USP34: variants seen among roughly 807,000 people sequenced by gnomAD.
USP34 encodes ubiquitin carboxyl-terminal hydrolase 34.
USP34 carries 70 observed loss-of-function variants against 460.3 expected under a neutral mutation model. The ratio of observed to expected loss-of-function variants is 0.15; its 90% CI spans 0.13 to 0.19. The LOEUF (loss-of-function observed/expected upper bound fraction) is 0.19. Among genes scored for constraint, USP34 ranks in the 10% least tolerant of loss-of-function variants. The pLI, the probability that USP34 is intolerant of heterozygous loss-of-function variation, is 1.00. For missense variants in USP34, 3,985 were observed against 4,236.2 expected, an observed-to-expected ratio of 0.94 and a Z score of 1.65; for synonymous variants, 1,647 against 1,405.3, an observed-to-expected ratio of 1.17 and a Z score of -3.85.
intron 41 of USP34, chr2:61,277,896 C>T (rs1023509309): frequency 4.3e-5 from 15 of 352,424 alleles, no homozygotes; most frequent in Non-Finnish European, 6.2e-5. Context: ...AAGGAGAAAC[C>T]GCTTTCGCTT....
intron 10 of USP34, among the ~76,000 whole-genome samples, chr2:61,354,940 C>A (rs925432455): frequency 6.6e-6 from 1 of 152,164 alleles, no homozygotes; most frequent in Non-Finnish European, 1.5e-5. Context: ...GCTATACAAG[C>A]TTGCTGGGAC....
chr2:61,372,874 CA>C (rs1692673432), intron 8 of USP34, among the ~76,000 whole-genome samples: 1 of 151,740 alleles, frequency 6.6e-6, no homozygotes, highest in Admixed American at 6.6e-5. Flanking sequence ...CCAAACTTCC[CA>C]AAGTTGATGA....
At chr2:61,281,627 T>C (rs770082171) in intron 37 of USP34, among the ~76,000 whole-genome samples, 14 of 152,142 alleles carry the variant, frequency 9.2e-5, no homozygotes, top group Non-Finnish European at 1.8e-4. Flanking sequence ...TTAATAAATA[T>C]AATGTTCTAA....
intron 19 of USP34, 152 bp downstream of exon 19, chr2:61,333,730 G>C (rs924899617): frequency 4.7e-5 from 21 of 448,744 alleles, no homozygotes; most frequent in Admixed American, 8.1e-5. Context: ...TCTCTACAGG[G>C]GTAAGTGGCA....
intron 53 of USP34, among the ~76,000 whole-genome samples, chr2:61,236,952 G>GT (rs953734418): frequency 3.3e-5 from 5 of 152,104 alleles, no homozygotes; most frequent in East Asian, 1.9e-4. Flanking sequence ...ATTACTAGCT[G>GT]TTTTTTGTAG....
At position 61,228,845 on chromosome 2, in the gene USP34, T is replaced by C. The variant is rs770192948; in HGVS notation, c.7350A>G (p.Ala2450=). Reference sequence around the variant, plus strand: ...GCCTCACCTCTTCTTCACCCATTTTTGCAAATTCGTAAAGGAAGGCAAAAT... The same window carrying C: ...GCCTCACCTCTTCTTCACCCATTTTCGCAAATTCGTAAAGGAAGGCAAAAT... The part of the protein sequence containing the change: ...TEYFAFLYEF[A]KMGEEESQFL... Residue 2450 remains alanine (A), a synonymous_variant, in exon 60 of 80, where the codon GCA becomes GCG. Coordinates refer to ENST00000398571, the MANE Select transcript of USP34 (RefSeq NM_014709.4). 1 of 1,596,720 alleles carries C rather than the reference T, an allele frequency of 6.3e-7. No homozygotes were observed. The highest frequency in any genetic ancestry group is 1.1e-5 in the South Asian group (1 of 87,952).
chr2:61,434,776 G>A (rs1266247799), intron 1 of USP34, among the ~76,000 whole-genome samples: 3 of 151,182 alleles, frequency 2.0e-5, no homozygotes, highest in Non-Finnish European at 4.4e-5. Context: ...AAAGGGGGGG[G>A]GTTCCAACAA....
intron 1 of USP34, among the ~76,000 whole-genome samples, chr2:61,437,829 G>A (rs540093455): frequency 3.7e-5 from 4 of 108,484 alleles, no homozygotes; most frequent in Middle Eastern, 6.0e-3. Context: ...AACCTGAACA[G>A]ACCAAAAACA....
intron 27 of USP34, among the ~76,000 whole-genome samples, chr2:61,306,176 C>T (rs944839822): frequency 2.0e-5 from 3 of 152,128 alleles, no homozygotes; most frequent in African/African-American, 7.2e-5. Context: ...ATGGTATTGC[C>T]TAGGTTTTCT....
At chr2:61,230,758 C>A (rs1441325027) in intron 58 of USP34, among the ~76,000 whole-genome samples, 2 of 151,114 alleles carry the variant, frequency 1.3e-5, no homozygotes, top group Non-Finnish European at 2.9e-5. Flanking sequence ...GCAGGAGAAT[C>A]ACTTGAACCC....
chr2:61,229,519 C>T (rs1188485868), intron 59 of USP34, 29 bp downstream of exon 59: 2 of 1,406,276 alleles, frequency 1.4e-6, no homozygotes, highest in Admixed American at 3.7e-5. Context: ...AACACAGACA[C>T]ACAAACTTAT....
chr2:61,372,918 C>T (rs1330995482), intron 8 of USP34, among the ~76,000 whole-genome samples: 1 of 152,044 alleles, frequency 6.6e-6, no homozygotes, highest in East Asian at 1.9e-4. Flanking sequence ...AGAAGTAGAA[C>T]AAACTCCAGG....
At position 61,276,391 on chromosome 2, in the gene USP34, T is replaced by C. The variant is rs553714752; in HGVS notation, c.5433+1774A>G. Among the ~76,000 whole-genome samples the C allele has an allele frequency of 5.3e-5, 8 of 152,296 alleles. No individual in the cohort carries two copies. The South Asian group carries it at 1.4e-3, about 28-fold the overall frequency. On this transcript the variant is annotated intron_variant, in intron 41 of 79. Coordinates refer to ENST00000398571, the MANE Select transcript of USP34 (RefSeq NM_014709.4). Reference sequence around the variant, plus strand: ...TTGCCTCTTAGTCAATTTTTAAAAATACATTTTCTTTTTTAATGTACTCAT... The same window carrying C: ...TTGCCTCTTAGTCAATTTTTAAAAACACATTTTCTTTTTTAATGTACTCAT...
At position 61,406,128 on chromosome 2, in the gene USP34, C is replaced by A; in HGVS notation, c.132G>T (p.Arg44Ser). The change falls in exon 3 of 80, where the codon AGG becomes AGT. Residue 44 changes from arginine to serine, a missense_variant and splice_region_variant. By Grantham distance (110) the Arg-to-Ser change is moderately radical. Coordinates refer to ENST00000398571, the MANE Select transcript of USP34 (RefSeq NM_014709.4). The stretch of plus-strand genomic sequence containing the variant: ...ATTCCTTGAAGCAGCATAGACATTG[C>A]CTATAAGAGAAAAAAAATTGAATAA... ...IFTYINSWTQRQCLCCFKEYK... is the reference protein window; with the variant it reads ...IFTYINSWTQSQCLCCFKEYK... 2 of 1,530,704 alleles carry A rather than the reference C, an allele frequency of 1.3e-6. No individual in the cohort carries two copies. Among genetic ancestry groups the A allele is most frequent in the South Asian group, 2.6e-5 (2 of 77,438 alleles). 94.8% of individuals were successfully genotyped at this position (1,530,704 alleles called of 1,614,324 possible).
intron 29 of USP34, among the ~76,000 whole-genome samples, chr2:61,297,166 G>A (rs565013377): frequency 6.6e-6 from 1 of 152,256 alleles, no homozygotes; most frequent in African/African-American, 2.4e-5. Flanking sequence ...GACTGATCAT[G>A]TTCCTCATGA....
At position 61,213,922 on chromosome 2, in the gene USP34, A is replaced by G. The variant is rs1215925195; in HGVS notation, c.8682+138T>C. 4 of 1,064,004 alleles carry G rather than the reference A, an allele frequency of 3.8e-6. No individual in the cohort carries two copies. The African/African-American group carries it at 6.4e-5, about 17-fold the overall frequency. 65.9% of individuals were successfully genotyped at this position (1,064,004 alleles called of 1,614,324 possible). On this transcript the variant is annotated intron_variant, in intron 68 of 79. Coordinates refer to ENST00000398571, the MANE Select transcript of USP34 (RefSeq NM_014709.4). ...ACACAGCATTTTATATATGTATTTA[A>G]GAAAACAAATACACATTAAGTTCTT...
intron 62 of USP34, 32 bp downstream of exon 62, chr2:61,227,035 G>C (rs1284256376): frequency 1.9e-6 from 3 of 1,571,692 alleles, no homozygotes; most frequent in Non-Finnish European, 2.6e-6. Flanking sequence ...AACCAAACAT[G>C]CTTTAAACAT....
intron 10 of USP34, among the ~76,000 whole-genome samples, chr2:61,356,947 A>T (rs1462567237): frequency 6.6e-6 from 1 of 152,252 alleles, no homozygotes; most frequent in Non-Finnish European, 1.5e-5. Context: ...CCAAGAAGAT[A>T]TGACCATAAA....
chr2:61,441,998 A>C, intron 1 of USP34, among the ~76,000 whole-genome samples: 1 of 152,154 alleles, frequency 6.6e-6, no homozygotes, highest in African/African-American at 2.4e-5. Context: ...GATTTTTGAC[A>C]AAGGTGCCAA....
Sources: gnomAD v4.1 joint callset for allele counts (sites outside exome capture counted in the v4.1 genomes callset) on GRCh38, gnomAD v4.1.1 for gene constraint, MANE v1.5 for transcripts, NCBI Gene and HGNC (gene_info 2026-07-23, HGNC 2026-07-21) for gene names.